Variants in BABAM2 observed in about 807,000 individuals in gnomAD.
BABAM2 encodes the protein BRISC and BRCA1 A complex member 2, also known as BRISC and BRCA1-A complex member 2.
In BABAM2, 31 loss-of-function variants were observed where a neutral mutation model predicts 54.7. That is an observed-to-expected ratio of 0.57 (90% CI 0.43 to 0.77). The LOEUF is 0.77. Ranked by LOEUF, BABAM2 falls within the 30% of genes least tolerant of loss-of-function variation. The pLI, the probability that BABAM2 is intolerant of heterozygous loss-of-function variation, is 0.00. For missense variants in BABAM2, 364 were observed against 455.8 expected (o/e 0.80, Z 1.83); for synonymous variants, 167 against 162.9 (o/e 1.03, Z -0.19).
chr2:28,131,708 T>A (rs1670092457), intron 7 of BABAM2, among the ~76,000 whole-genome samples: 1 of 152,164 alleles, frequency 6.6e-6, no homozygotes, highest in African/African-American at 2.4e-5. Flanking sequence ...ATACAGTTCA[T>A]AGGAGAAGAA....
chr2:27,926,218 T>C (rs1023107801), intron 2 of BABAM2, among the ~76,000 whole-genome samples: 9 of 152,138 alleles, frequency 5.9e-5, no homozygotes, highest in African/African-American at 2.2e-4. Flanking sequence ...CACTTGCAGG[T>C]CCAGTGTGAT....
chr2:28,021,771 T>C (rs1467235203), intron 4 of BABAM2, among the ~76,000 whole-genome samples: 1 of 152,094 alleles, frequency 6.6e-6, no homozygotes, highest in Non-Finnish European at 1.5e-5. Flanking sequence ...CATTAAATAA[T>C]TTTTTTCCCC....
At chr2:28,138,027 G>GTTTAATTCAA (rs1395785389) in intron 7 of BABAM2, among the ~76,000 whole-genome samples, 1 of 152,102 alleles carries the variant, frequency 6.6e-6, no homozygotes, top group East Asian at 1.9e-4. Flanking sequence ...AGAAATTCAT[G>GTTTAATTCAA]ATTTCCAGTT....
intron 2 of BABAM2, among the ~76,000 whole-genome samples, chr2:27,924,806 A>G (rs1287637721): frequency 6.6e-6 from 1 of 152,226 alleles, no homozygotes; most frequent in Non-Finnish European, 1.5e-5. Flanking sequence ...AAGAAGAGGA[A>G]ACAGTTTAAT....
At position 28,112,147 on chromosome 2, in the gene BABAM2, T is replaced by TTCTTTCTTTCCTTCCCTCCCTCCC. The variant is rs1558346715; in HGVS notation, c.571-17123_571-17122insCTTTCTTTCCTTCCCTCCCTCCCT. On this transcript the variant is annotated intron_variant, in intron 6 of 11. Coordinates refer to ENST00000379624, the MANE Select transcript of BABAM2 (RefSeq NM_199191.3). ...TTTCTTTCTTTCTTTCTTTCTTTCTTTACCTCCCTCCCTCCCTCCCTCCCT... is the reference window on the plus strand; with the variant it reads ...TTTCTTTCTTTCTTTCTTTCTTTCTTTCTTTCTTTCCTTCCCTCCCTCCCTACCTCCCTCCCTCCCTCCCTCCCT... Among the ~76,000 whole-genome samples the TTCTTTCTTTCCTTCCCTCCCTCCC allele has an allele frequency of 5.7e-4, 3 of 5,248 alleles. 1 individual carries two copies. Among genetic ancestry groups the TTCTTTCTTTCCTTCCCTCCCTCCC allele is most frequent in the Non-Finnish European group, 9.5e-4 (3 of 3,156 alleles). The allele number at this position is 5,248 out of a possible 152,430, so 3.4% of individuals were successfully genotyped here.
intron 3 of BABAM2, among the ~76,000 whole-genome samples, chr2:27,975,371 T>C (rs548529054): frequency 6.6e-6 from 1 of 152,202 alleles, no homozygotes; most frequent in Non-Finnish European, 1.5e-5. Context: ...CAGTGTGATA[T>C]TGGCAAAAGA....
At chr2:28,196,247 A>G (rs111279538) in intron 7 of BABAM2, among the ~76,000 whole-genome samples, 31,884 of 148,496 alleles carry the variant, frequency 0.21, 4,452 homozygotes, top group Middle Eastern at 0.32. Context: ...GAATGGTGTG[A>G]ACCCGGGAGG....
At chr2:28,335,222 G>C (rs2148343363) in intron 11 of BABAM2, among the ~76,000 whole-genome samples, 1 of 146,668 alleles carries the variant, frequency 6.8e-6, no homozygotes, top group Middle Eastern at 3.6e-3. Context: ...GGAGTGCCAT[G>C]GTGCGGACGT....
At chr2:27,980,548 T>C (rs1217258803) in intron 3 of BABAM2, among the ~76,000 whole-genome samples, 1 of 152,184 alleles carries the variant, frequency 6.6e-6, no homozygotes, top group Non-Finnish European at 1.5e-5. Flanking sequence ...GGCTGTACAG[T>C]ATTGAGGCAA....
At chr2:28,040,205 G>A (rs1676960547) in intron 5 of BABAM2, among the ~76,000 whole-genome samples, 1 of 145,182 alleles carries the variant, frequency 6.9e-6, no homozygotes, top group African/African-American at 2.5e-5. Context: ...CATTAAGATT[G>A]TTTTAAAATT....
intron 6 of BABAM2, among the ~76,000 whole-genome samples, chr2:28,050,264 T>C (rs982140868): frequency 9.2e-5 from 14 of 152,230 alleles, no homozygotes; most frequent in African/African-American, 1.2e-4. Context: ...TTACAAACAC[T>C]GTGCAAGAAC....
chr2:28,209,210 A>G (rs1679199115), intron 7 of BABAM2, among the ~76,000 whole-genome samples: 1 of 152,182 alleles, frequency 6.6e-6, no homozygotes, highest in African/African-American at 2.4e-5. Context: ...ATGTGTCCAT[A>G]GCGGAAGTCA....
chr2:28,085,523 A>G (rs1247777626), intron 6 of BABAM2, among the ~76,000 whole-genome samples: 1 of 152,238 alleles, frequency 6.6e-6, no homozygotes, highest in East Asian at 1.9e-4. Flanking sequence ...CTTGATGTTC[A>G]GAGTTACAGA....
In BABAM2 at chr2:28,334,050, C is replaced by T. The variant is rs1294659854; in HGVS notation, c.1089-4400C>T. 2.6e-5 allele frequency among the ~76,000 whole-genome samples: 4 copies of T among 152,172 alleles called. No individual in the cohort carries two copies. The East Asian group carries it at 7.7e-4, about 29-fold the overall frequency. On this transcript the variant is annotated intron_variant, in intron 11 of 11. Coordinates refer to ENST00000379624, the MANE Select transcript of BABAM2 (RefSeq NM_199191.3). ...TCCGTTAACTAACTTAATGAGGATC[C>T]AAGTTGAGAGGCACTCGCCGAAAAC...
chr2:28,257,174 T>A (rs1367263164), intron 10 of BABAM2, among the ~76,000 whole-genome samples: 1 of 152,190 alleles, frequency 6.6e-6, no homozygotes, highest in African/African-American at 2.4e-5. Context: ...TTTCATGAGT[T>A]CATAGAGTAC....
At chr2:27,922,722 T>A (rs1667424582) in intron 2 of BABAM2, among the ~76,000 whole-genome samples, 1 of 152,236 alleles carries the variant, frequency 6.6e-6, no homozygotes, top group African/African-American at 2.4e-5. Context: ...GTTACTGCTA[T>A]ATTCCTAGCA....
At chr2:27,977,195 T>A (rs1671665199) in intron 3 of BABAM2, among the ~76,000 whole-genome samples, 1 of 152,190 alleles carries the variant, frequency 6.6e-6, no homozygotes, top group Non-Finnish European at 1.5e-5. Context: ...TTGTGATGAA[T>A]GTTTAAGTTC....
intron 5 of BABAM2, among the ~76,000 whole-genome samples, chr2:28,038,092 C>A (rs1676796700): frequency 6.6e-6 from 1 of 152,092 alleles, no homozygotes; most frequent in African/African-American, 2.4e-5. Context: ...CAAGGAAAAA[C>A]TAAAACAAAA....
chr2:27,910,343 AG>A (rs1359439231), intron 2 of BABAM2, among the ~76,000 whole-genome samples: 1 of 150,854 alleles, frequency 6.6e-6, no homozygotes, highest in South Asian at 2.1e-4. Context: ...GAAACAAAAA[AG>A]GTTAGTTGTT....
Sources: gnomAD v4.1 joint callset for allele counts (sites outside exome capture counted in the v4.1 genomes callset) on GRCh38, gnomAD v4.1.1 for gene constraint, MANE v1.5 for transcripts, NCBI Gene and HGNC (gene_info 2026-07-23, HGNC 2026-07-21) for gene names.